WWP1: variants seen among roughly 807,000 people sequenced by gnomAD.
WWP1 encodes the protein NEDD4-like E3 ubiquitin-protein ligase WWP1.
A neutral mutation model predicts 130.6 loss-of-function variants in WWP1; 49 were observed. That is an observed-to-expected ratio of 0.38 (90% confidence interval 0.30 to 0.48). WWP1 has a LOEUF of 0.48. Ranked by LOEUF, WWP1 falls within the 20% of genes least tolerant of loss-of-function variation. The pLI is 0.99. For synonymous variants in WWP1, 332 were observed against 367.8 expected, an observed-to-expected ratio of 0.90 and a Z score of 1.11; for missense variants, 809 against 1,100.6, an observed-to-expected ratio of 0.74 and a Z score of 3.75.
intron 18 of WWP1, among the ~76,000 whole-genome samples, chr8:86,443,554 G>A (rs2130727463): frequency 6.6e-6 from 1 of 152,132 alleles, no homozygotes; most frequent in African/African-American, 2.4e-5. Flanking sequence ...AAAATTTATT[G>A]ACAGCCTACT....
chr8:86,430,721 G>T lies in WWP1; in HGVS notation c.1357G>T (p.Asp453Tyr). The change falls in exon 12 of 25, where the codon GAC becomes TAC. Residue 453 changes from aspartate to tyrosine, a missense_variant. By Grantham distance (160) the Asp-to-Tyr change is radical. Around this residue, in one of 3 missense-constraint regions of WWP1, gnomAD observed 450 missense variants for 674.2 expected, o/e 0.67. Transcript: ENST00000517970. ...GGCTTCAATGTTAGCTGCAGAAAATGACCCTTATGGACCTTTGCCACCAGG... is the reference window on the plus strand; with the variant it reads ...GGCTTCAATGTTAGCTGCAGAAAATTACCCTTATGGACCTTTGCCACCAGG... ...YSASMLAAEN[D>Y]PYGPLPPGWE... 2 of 1,575,486 alleles carry T rather than the reference G, an allele frequency of 1.3e-6. No homozygotes were observed. Among genetic ancestry groups the T allele is most frequent in the South Asian group, 1.1e-5 (1 of 87,100 alleles).
rs1323648797 is a variant in WWP1 at position 86,398,497 on chromosome 8, GT to G, written c.472+21del. 1 of 1,609,612 alleles carries G rather than the reference GT, an allele frequency of 6.2e-7. No individual in the cohort carries two copies. Among genetic ancestry groups the G allele is most frequent in the Non-Finnish European group, 8.5e-7 (1 of 1,178,560 alleles). On this transcript the variant is annotated intron_variant, in intron 6 of 24. Coordinates refer to ENST00000517970, the MANE Select transcript of WWP1 (RefSeq NM_007013.4). ...TCCAACCAGTAAGCTAACTTTATAT[GT>G]TTGTAAAATTTCAAGGAAAAAGAAT...
intron 5 of WWP1, among the ~76,000 whole-genome samples, chr8:86,390,555 G>C (rs1032102897): frequency 1.3e-5 from 2 of 152,280 alleles, no homozygotes; most frequent in Middle Eastern, 3.4e-3. Context: ...CCAGTCAGGC[G>C]TGGCAGCGGG....
intron 5 of WWP1, 130 bp from the exon 6 acceptor site, chr8:86,398,212 C>G (rs377540932): frequency 2.0e-6 from 2 of 1,023,956 alleles, no homozygotes; most frequent in African/African-American, 3.2e-5. Flanking sequence ...AACTAGTTGT[C>G]AAAGGCATGC....
At chr8:86,350,495 A>T in intron 1 of WWP1, among the ~76,000 whole-genome samples, 1 of 151,876 alleles carries the variant, frequency 6.6e-6, no homozygotes, top group East Asian at 1.9e-4. Flanking sequence ...TCTCTTTGCA[A>T]ATTTCTGAAA....
At chr8:86,452,284 C>A (rs1216690489) in intron 20 of WWP1, among the ~76,000 whole-genome samples, 2 of 152,050 alleles carry the variant, frequency 1.3e-5, no homozygotes, top group African/African-American at 4.8e-5. Context: ...AGTGAAGAAC[C>A]TCCTATTTAT....
chr8:86,392,133 G>A (rs1055791817), intron 5 of WWP1, among the ~76,000 whole-genome samples: 1 of 152,142 alleles, frequency 6.6e-6, no homozygotes, highest in Non-Finnish European at 1.5e-5. Flanking sequence ...GTCTTTTAGT[G>A]TGTGTGCAAT....
chr8:86,343,798 A>T (rs1009257826), intron 1 of WWP1, among the ~76,000 whole-genome samples: 13 of 151,750 alleles, frequency 8.6e-5, no homozygotes, highest in Admixed American at 5.3e-4. Flanking sequence ...AGTTTAACAA[A>T]TTTTTTTCTG....
chr8:86,427,944 G>A, intron 11 of WWP1, 127 bp downstream of exon 11: 1 of 755,418 alleles, frequency 1.3e-6, no homozygotes, highest in Non-Finnish European at 1.9e-6. Flanking sequence ...GGTATAGACT[G>A]TGTTACAAGA....
intron 1 of WWP1, among the ~76,000 whole-genome samples, chr8:86,348,903 A>C (rs1326239026): frequency 6.6e-6 from 1 of 152,172 alleles, no homozygotes; most frequent in Non-Finnish European, 1.5e-5. Context: ...TCAGTTGGGC[A>C]GGTTTTGCTG....
At chr8:86,373,909 G>C (rs896755130) in intron 2 of WWP1, 121 bp from the exon 3 acceptor site, 3 of 707,642 alleles carry the variant, frequency 4.2e-6, no homozygotes, top group Non-Finnish European at 6.8e-6. Context: ...ATGGTAATAG[G>C]CTTGATAATT....
intron 1 of WWP1, among the ~76,000 whole-genome samples, chr8:86,361,890 A>G (rs1823620200): frequency 6.6e-6 from 1 of 151,466 alleles, no homozygotes; most frequent in African/African-American, 2.4e-5. Context: ...TTTTAAACTC[A>G]CTGAGAGCAA....
In WWP1 at chr8:86,458,662, T is replaced by C. The variant is rs74639506; in HGVS notation, c.2499+637T>C. Among the ~76,000 whole-genome samples the C allele has an allele frequency of 9.3e-3, 1,418 of 152,290 alleles. 10 individuals carry two copies. Among genetic ancestry groups the C allele is most frequent in the Non-Finnish European group, 0.014 (959 of 68,010 alleles). Reference sequence around the variant, plus strand: ...CTAATTGGGACTCTTTTGAGCAACTTAGTGACTGGACTTCTGGCTTACTTC... The same window carrying C: ...CTAATTGGGACTCTTTTGAGCAACTCAGTGACTGGACTTCTGGCTTACTTC... On this transcript the variant is annotated intron_variant, in intron 22 of 24. Coordinates refer to ENST00000517970, the MANE Select transcript of WWP1 (RefSeq NM_007013.4).
In WWP1 at chr8:86,425,286, C is replaced by G; in HGVS notation, c.1125C>G (p.Thr375=). The change falls in exon 10 of 25, where the codon ACC becomes ACG. Residue 375 remains threonine (T), a synonymous_variant. Transcript: ENST00000517970. ...TYYVDHNTRT[T]TWERPQPLPP... ...ATGTGGATCATAATACTCGAACTACCACATGGGAGAGACCACAACCTTTAC... is the reference window on the plus strand; with the variant it reads ...ATGTGGATCATAATACTCGAACTACGACATGGGAGAGACCACAACCTTTAC... 6.2e-7 allele frequency: 1 copy of G among 1,613,162 alleles called. No homozygotes were observed. Among genetic ancestry groups the G allele is most frequent in the Non-Finnish European group, 8.5e-7 (1 of 1,179,538 alleles).
chr8:86,439,495 T>A (rs1810482224), intron 17 of WWP1, among the ~76,000 whole-genome samples: 1 of 152,324 alleles, frequency 6.6e-6, no homozygotes, highest in East Asian at 1.9e-4. Flanking sequence ...GCACTCAGTC[T>A]GAATATTTTC....
At chr8:86,435,769 G>A in intron 16 of WWP1, 65 bp downstream of exon 16, 1 of 1,528,540 alleles carries the variant, frequency 6.5e-7, no homozygotes, top group African/African-American at 1.4e-5. Flanking sequence ...TCTAAAGAAA[G>A]TCAGGGTTTT....
At chr8:86,387,456 T>C (rs1172026616) in intron 5 of WWP1, among the ~76,000 whole-genome samples, 1 of 152,086 alleles carries the variant, frequency 6.6e-6, no homozygotes, top group Non-Finnish European at 1.5e-5. Flanking sequence ...CCCAGTGCCA[T>C]TGAATTTTAC....
intron 9 of WWP1, among the ~76,000 whole-genome samples, chr8:86,415,836 A>G (rs1314855394): frequency 1.3e-5 from 2 of 152,180 alleles, no homozygotes; most frequent in Non-Finnish European, 2.9e-5. Flanking sequence ...CAGTGTTATT[A>G]TCTGTTGTCT....
At chr8:86,426,359 T>C (rs1272799665) in intron 10 of WWP1, among the ~76,000 whole-genome samples, 4 of 152,204 alleles carry the variant, frequency 2.6e-5, no homozygotes, top group Admixed American at 6.5e-5. Context: ...GTATTTTTAG[T>C]AATAAGTTTA....
Sources: allele counts gnomAD v4.1 joint callset (sites outside exome capture counted in the v4.1 genomes callset), GRCh38; gene constraint gnomAD v4.1.1; regional missense constraint gnomAD v4.1.1; transcripts MANE v1.5; gene names NCBI Gene and HGNC (gene_info 2026-07-23, HGNC 2026-07-21).